The following CNOT1 variants were observed in gnomAD, a reference collection of about 807,000 sequenced individuals.
The protein encoded by CNOT1 is CCR4-associated factor 1.
CNOT1 carries 15 observed loss-of-function variants against 273.8 expected under a neutral mutation model. The ratio of observed to expected loss-of-function variants is 0.05; its 90% CI spans 0.04 to 0.08. CNOT1 has a LOEUF of 0.08. CNOT1 is among the 10% of genes least tolerant of loss of function. CNOT1 has a pLI of 1.00. For synonymous variants in CNOT1, 1,022 were observed against 1,005.5 expected (o/e 1.02, Z -0.31); for missense variants, 1,644 against 2,912.2 (o/e 0.56, Z 10.02).
At chr16:58,573,673 G>T (rs1010601404) in intron 16 of CNOT1, among the ~76,000 whole-genome samples, 1 of 151,720 alleles carries the variant, frequency 6.6e-6, no homozygotes, top group Non-Finnish European at 1.5e-5. Flanking sequence ...AGTAGAGACA[G>T]GGTTTCACCG....
Position 58,533,553 on chromosome 16 carries a change from G to A in CNOT1, c.5895+594C>T, listed in dbSNP as rs533339175. Among the ~76,000 whole-genome samples the A allele has an allele frequency of 1.8e-4, 28 of 152,312 alleles. No homozygotes were observed. The South Asian group carries it at 4.1e-3, about 23-fold the overall frequency. ...CGGGAGGCTGAGGCAGGAGAATGGC[G>A]TGAATCTGGGAGGCGGAGCTTGCAG... On this transcript the variant is annotated intron_variant, in intron 40 of 48. Coordinates refer to ENST00000317147, the MANE Select transcript of CNOT1 (RefSeq NM_016284.5).
At chr16:58,593,282 G>A (rs985294227) in intron 2 of CNOT1, among the ~76,000 whole-genome samples, 12 of 151,986 alleles carry the variant, frequency 7.9e-5, no homozygotes, top group South Asian at 4.1e-4. Flanking sequence ...AAAATTGGCC[G>A]GGCGCAGTGG....
At chr16:58,526,239 C>G in intron 44 of CNOT1, 101 bp from the exon 45 acceptor site, 2 of 1,179,338 alleles carry the variant, frequency 1.7e-6, no homozygotes, top group Non-Finnish European at 1.2e-6. Context: ...ACTATATACA[C>G]TATAAATGCC....
chr16:58,529,539 T>C (rs903321064), intron 43 of CNOT1, among the ~76,000 whole-genome samples: 1 of 152,132 alleles, frequency 6.6e-6, no homozygotes, highest in East Asian at 1.9e-4. Flanking sequence ...AAAACCTCAT[T>C]AAGAAGTCAT....
intron 1 of CNOT1, among the ~76,000 whole-genome samples, chr16:58,605,020 C>T (rs1226038496): frequency 1.3e-5 from 2 of 151,894 alleles, no homozygotes; most frequent in Admixed American, 6.6e-5. Context: ...CCTGTAGTCC[C>T]AGCTGCTCGG....
intron 24 of CNOT1, 36 bp downstream of exon 24, chr16:58,551,096 A>C (rs371572742): frequency 8.7e-6 from 14 of 1,600,588 alleles, no homozygotes; most frequent in African/African-American, 1.4e-5. Context: ...ATTAAGGAAA[A>C]AAGAAGGCAT....
chr16:58,576,296 G>A (rs2041456656), intron 14 of CNOT1, among the ~76,000 whole-genome samples, 167 bp downstream of exon 14: 1 of 152,084 alleles, frequency 6.6e-6, no homozygotes, highest in Non-Finnish European at 1.5e-5. Context: ...TTTTAGTAGA[G>A]ATGGTGTTTC....
chr16:58,521,280 G>A lies in CNOT1; in HGVS notation c.6955C>T (p.Pro2319Ser). 1 of 1,613,750 alleles carries A rather than the reference G, an allele frequency of 6.2e-7. No individual in the cohort carries two copies. The highest frequency in any genetic ancestry group is 8.5e-7 in the Non-Finnish European group (1 of 1,179,918). ...ATGAAGGTAATAAGAAGACCCCAAG[G>A]ATGTGGCCTATTTACAATCAACCGT... is the stretch of plus-strand genomic sequence containing the variant. ...LERLIVNRPH[P>S]WGLLITFIEL... Residue 2319 changes from proline to serine, a missense_variant, in exon 48 of 49, where the codon CCT (proline) becomes TCT (serine). Physicochemically the swap from Pro to Ser is moderately conservative, Grantham distance 74. Transcript: ENST00000317147.
chr16:58,574,987 A>G lies in CNOT1; in HGVS notation c.1827+20T>C. On this transcript the variant is annotated intron_variant, in intron 15 of 48. Coordinates refer to ENST00000317147, the MANE Select transcript of CNOT1 (RefSeq NM_016284.5). Reference sequence around the variant, plus strand: ...CCACCAAAATTTAAGAGCAAAAATAAATGAACAAATCCTGCTTACCCCATG... The same window carrying G: ...CCACCAAAATTTAAGAGCAAAAATAGATGAACAAATCCTGCTTACCCCATG... 6.2e-7 allele frequency: 1 copy of G among 1,607,312 alleles called. No individual in the cohort carries two copies. Among genetic ancestry groups the G allele is most frequent in the Non-Finnish European group, 8.5e-7 (1 of 1,178,066 alleles).
intron 2 of CNOT1, among the ~76,000 whole-genome samples, chr16:58,590,084 A>T (rs931053111): frequency 1.3e-5 from 2 of 152,224 alleles, no homozygotes; most frequent in African/African-American, 4.8e-5. Flanking sequence ...CTAGTCTAGA[A>T]AATAATTGAG....
intron 1 of CNOT1, among the ~76,000 whole-genome samples, chr16:58,609,382 A>T (rs1008654503): frequency 1.3e-5 from 2 of 150,140 alleles, no homozygotes; most frequent in Non-Finnish European, 3.0e-5. Context: ...AAAAAAAAAC[A>T]CAACAAAATA....
At chr16:58,624,188 C>A (rs1249171904) in intron 1 of CNOT1, among the ~76,000 whole-genome samples, 1 of 152,152 alleles carries the variant, frequency 6.6e-6, no homozygotes, top group Non-Finnish European at 1.5e-5. Flanking sequence ...CCTGTGGGAT[C>A]TGATGCTATC....
At chr16:58,565,259 T>C (rs969446232) in intron 16 of CNOT1, among the ~76,000 whole-genome samples, 4 of 152,068 alleles carry the variant, frequency 2.6e-5, no homozygotes, top group African/African-American at 9.7e-5. Context: ...ACTCCACGCA[T>C]ACAGACCATG....
chr16:58,558,522 A>G lies in CNOT1; in HGVS notation c.2283T>C (p.Asn761=), dbSNP rs766627399. The change falls in exon 18 of 49, where the codon AAT becomes AAC. Residue 761 remains asparagine, a synonymous_variant. Transcript: ENST00000317147. The part of the protein sequence containing the change: ...AKAFPPLSTP[N]QTTAFSGIGG... The stretch of plus-strand genomic sequence containing the variant: ...CAATACCACTGAATGCAGTGGTCTG[A>G]TTGGGGGTTGAAAGGGGTGGAAATG... 6.2e-7 allele frequency: 1 copy of G among 1,613,702 alleles called. No individual in the cohort carries two copies. The highest frequency in any genetic ancestry group is 8.5e-7 in the Non-Finnish European group (1 of 1,179,902).
At chr16:58,621,690 G>A (rs1228822311) in intron 1 of CNOT1, among the ~76,000 whole-genome samples, 9 of 149,606 alleles carry the variant, frequency 6.0e-5, no homozygotes, top group African/African-American at 2.0e-4. Flanking sequence ...AGGCCGAGGC[G>A]GGCAGATCAC....
rs761792168 is a variant in CNOT1 at position 58,585,515 on chromosome 16, G to A, written c.638-9C>T. The A allele has an allele frequency of 1.9e-6, 3 of 1,606,854 alleles. No individual in the cohort carries two copies. The highest frequency in any genetic ancestry group is 1.7e-5 in the Admixed American group (1 of 57,582). The stretch of plus-strand genomic sequence containing the variant: ...GCGTTCTTGGGGAAAATCTGAGAGA[G>A]GAAAAAGGTTACAACTGCTATACTA... On this transcript the variant is annotated splice_polypyrimidine_tract_variant and intron_variant, in intron 7 of 48. Coordinates refer to ENST00000317147, the MANE Select transcript of CNOT1 (RefSeq NM_016284.5).
chr16:58,598,397 CAAAAAAAAAA>C (rs869048108), intron 2 of CNOT1, among the ~76,000 whole-genome samples: 1 of 86,462 alleles, frequency 1.2e-5, no homozygotes, highest in African/African-American at 4.8e-5. Flanking sequence ...GACTCCATCT[CAAAAAAAAAA>C]AAAAAAAAAA....
intron 16 of CNOT1, among the ~76,000 whole-genome samples, chr16:58,571,647 G>T (rs1171063646): frequency 1.3e-5 from 2 of 151,850 alleles, no homozygotes; most frequent in Non-Finnish European, 2.9e-5. Context: ...ACACCTGACG[G>T]AAAAACTGAC....
At chr16:58,535,337 C>A (rs539594840) in intron 39 of CNOT1, among the ~76,000 whole-genome samples, 11 of 152,214 alleles carry the variant, frequency 7.2e-5, no homozygotes, top group Non-Finnish European at 1.6e-4. Context: ...TTTGTCTACA[C>A]TGGTATCTGT....
Sources: gnomAD v4.1 joint callset for allele counts (sites outside exome capture counted in the v4.1 genomes callset) on GRCh38, gnomAD v4.1.1 for gene constraint, MANE v1.5 for transcripts, NCBI Gene and HGNC (gene_info 2026-07-23, HGNC 2026-07-21) for gene names.